The following CTDNEP1 variants were observed in gnomAD, a reference collection of about 807,000 sequenced individuals.
The protein encoded by CTDNEP1 is CTD nuclear envelope phosphatase 1.
CTDNEP1 carries 3 observed loss-of-function variants against 30.1 expected under a neutral mutation model. The observed-to-expected ratio is 0.10, with a 90% CI of 0.05 to 0.26. The LOEUF (loss-of-function observed/expected upper bound fraction) is 0.26. Among genes scored for constraint, CTDNEP1 ranks in the 10% least tolerant of loss-of-function variants. The pLI, the probability that CTDNEP1 is intolerant of heterozygous loss-of-function variation, is 1.00. For missense variants in CTDNEP1, 158 were observed against 310.4 expected (o/e 0.51, Z 3.69); for synonymous variants, 123 against 118.8 (o/e 1.04, Z -0.23).
intron 6 of CTDNEP1, chr17:7,244,900 G>A (rs779949897): frequency 7.8e-5 from 29 of 369,762 alleles, no homozygotes; most frequent in Non-Finnish European, 8.9e-5. Flanking sequence ...GCTCACACCT[G>A]TTATCCCAAC....
At chr17:7,248,259 C>CA (rs755835552) in intron 1 of CTDNEP1, among the ~76,000 whole-genome samples, 1,712 of 15,372 alleles carry the variant, frequency 0.11, 630 homozygotes, top group East Asian at 0.44. Flanking sequence ...GACTCCGTCG[C>CA]AAAAAAAAAA....
intron 1 of CTDNEP1, among the ~76,000 whole-genome samples, chr17:7,248,367 T>TC (rs919059544): frequency 6.7e-6 from 1 of 148,742 alleles, no homozygotes; most frequent in Non-Finnish European, 1.5e-5. Context: ...TTTTTCTTTT[T>TC]TTTTTTTTTG....
chr17:7,243,946 C>A lies in CTDNEP1; in HGVS notation c.*239G>T. 1 of 1,363,004 alleles carries A rather than the reference C, an allele frequency of 7.3e-7. No homozygotes were observed. Among genetic ancestry groups the A allele is most frequent in the Non-Finnish European group, 9.5e-7 (1 of 1,055,358 alleles). The allele number at this position is 1,363,004 out of a possible 1,614,324, so 84.4% of individuals were successfully genotyped here. The stretch of plus-strand genomic sequence containing the variant: ...GGCTCTCCTAGGCTTCCGCCTGTGT[C>A]CCAGTCTGGGGTTTCCATGGAGTGT... On this transcript the variant is annotated 3_prime_UTR_variant, in exon 8 of 8. Coordinates refer to ENST00000574322, the MANE Select transcript of CTDNEP1 (RefSeq NM_001143775.2).
intron 6 of CTDNEP1, among the ~76,000 whole-genome samples, chr17:7,245,334 G>A (rs1315505991): frequency 1.3e-5 from 2 of 151,300 alleles, no homozygotes; most frequent in African/African-American, 4.8e-5. Flanking sequence ...GCATGGTGGT[G>A]CACGCCTGTA....
At chr17:7,244,498 C>T in intron 7 of CTDNEP1, 53 bp downstream of exon 7, 1 of 1,488,072 alleles carries the variant, frequency 6.7e-7, no homozygotes, top group Non-Finnish European at 9.4e-7. Context: ...CTGAGGATCC[C>T]CCACCTCCTC....
At chr17:7,248,213 A>G (rs2071869118) in intron 1 of CTDNEP1, among the ~76,000 whole-genome samples, 1 of 128,596 alleles carries the variant, frequency 7.8e-6, no homozygotes, top group South Asian at 3.0e-4. Flanking sequence ...GTGAGCCGAG[A>G]TCGCACCACT....
At position 7,244,744 on chromosome 17, in the gene CTDNEP1, TA is replaced by T; in HGVS notation, c.590-110del. The T allele has an allele frequency of 3.6e-6, 3 of 831,198 alleles. No homozygotes were observed. In the South Asian group the frequency reaches 5.4e-5, roughly 15 times the overall value. The allele number at this position is 831,198 out of a possible 1,614,324, so 51.5% of individuals were successfully genotyped here. A position where few individuals can be genotyped will look rare whatever the true frequency, so the allele number is the denominator to read the frequency against. On this transcript the variant is annotated intron_variant, in intron 6 of 7. Transcript: ENST00000574322. ...ATTGTTAAAAATATATGCCTCCCAC[TA>T]CCGGAAGTCAACAACCTAAGTAAAA...
chr17:7,247,320 T>C lies in CTDNEP1; in HGVS notation c.126A>G (p.Arg42=). The change falls in exon 2 of 8, where the codon CGA becomes CGG. Residue 42 remains arginine (R), a synonymous_variant. Coordinates refer to ENST00000574322, the MANE Select transcript of CTDNEP1 (RefSeq NM_001143775.2). ...CAGGAGATAAGGGGAGGATATCATA[T>C]CGAACAGTTTGGTACTGAATTACCT... ...IRTVIQYQTV[R]YDILPLSPVS... 1 of 1,613,896 alleles carries C rather than the reference T, an allele frequency of 6.2e-7. No homozygotes were observed. Among genetic ancestry groups the C allele is most frequent in the Non-Finnish European group, 8.5e-7 (1 of 1,179,992 alleles).
rs1188894087 is a variant in CTDNEP1 at position 7,243,915 on chromosome 17, T to G, written c.*270A>C. 2 of 1,308,828 alleles carry G rather than the reference T, an allele frequency of 1.5e-6. No homozygotes were observed. The highest frequency in any genetic ancestry group is 2.0e-6 in the Non-Finnish European group (2 of 1,022,098). 81.1% of individuals were successfully genotyped at this position (1,308,828 alleles called of 1,614,324 possible). A position where few individuals can be genotyped will look rare whatever the true frequency, so the allele number is the denominator to read the frequency against. ...GCCAGTCCTGCCTCTTCACAAACAC[T>G]GATTCGGCTCTCCTAGGCTTCCGCC... On this transcript the variant is annotated 3_prime_UTR_variant, in exon 8 of 8. Transcript: ENST00000574322.
intron 1 of CTDNEP1, among the ~76,000 whole-genome samples, chr17:7,250,029 C>G (rs1035121427): frequency 6.6e-6 from 1 of 152,036 alleles, no homozygotes; most frequent in Non-Finnish European, 1.5e-5. Context: ...ACAGCCACAA[C>G]CATCCTGTAC....
rs1267582850 is a variant in CTDNEP1, at chr17:7,251,176, A to C, written c.102+19T>G. 2 of 1,573,830 alleles carry C rather than the reference A, an allele frequency of 1.3e-6. No individual in the cohort carries two copies. Among genetic ancestry groups the C allele is most frequent in the African/African-American group, 1.4e-5 (1 of 72,982 alleles). ...ACCGCCAGACGTCCCCAACACCGCC[A>C]GCGCCCACCCTGGCTCACCGTGCGG... On this transcript the variant is annotated intron_variant, in intron 1 of 7. Coordinates refer to ENST00000574322, the MANE Select transcript of CTDNEP1 (RefSeq NM_001143775.2).
At chr17:7,248,275 A>C (rs2071870622) in intron 1 of CTDNEP1, among the ~76,000 whole-genome samples, 1 of 149,144 alleles carries the variant, frequency 6.7e-6, no homozygotes, top group South Asian at 2.1e-4. Flanking sequence ...AAAAAAAAAA[A>C]AAAAAAAAAA....
At chr17:7,245,521 C>T (rs767739288) in intron 6 of CTDNEP1, among the ~76,000 whole-genome samples, 24 of 151,336 alleles carry the variant, frequency 1.6e-4, no homozygotes, top group Non-Finnish European at 3.2e-4. Flanking sequence ...TTTTTTGAGA[C>T]GGCGTCTCGC....
intron 7 of CTDNEP1, 35 bp downstream of exon 7, chr17:7,244,516 G>T: frequency 6.4e-7 from 1 of 1,556,566 alleles, no homozygotes; most frequent in Non-Finnish European, 8.9e-7. Flanking sequence ...CTCCTTTCTT[G>T]AGATATCCAA....
intron 1 of CTDNEP1, among the ~76,000 whole-genome samples, chr17:7,250,496 G>A (rs1210534672): frequency 2.0e-5 from 3 of 152,098 alleles, no homozygotes; most frequent in Admixed American, 2.0e-4. Flanking sequence ...ACTGCCCAGC[G>A]CTGTCCTCTG....
Position 7,251,374 on chromosome 17 carries a change from G to T in CTDNEP1, c.-78C>A. On this transcript the variant is annotated 5_prime_UTR_variant, in exon 1 of 8. Transcript: ENST00000574322. ...AGCCCCCCGGGGGCAGCCCCCCGCCGCCGGGAGGGGGAACGGGGGCCCCGA... is the reference window on the plus strand; with the variant it reads ...AGCCCCCCGGGGGCAGCCCCCCGCCTCCGGGAGGGGGAACGGGGGCCCCGA... 1 of 1,000,118 alleles carries T rather than the reference G, an allele frequency of 1.0e-6. No homozygotes were observed. Among genetic ancestry groups the T allele is most frequent in the East Asian group, 3.4e-5 (1 of 29,822 alleles). 62.0% of individuals were successfully genotyped at this position (1,000,118 alleles called of 1,614,324 possible). A position where few individuals can be genotyped will look rare whatever the true frequency, so the allele number is the denominator to read the frequency against.
chr17:7,248,982 G>A (rs562386039), intron 1 of CTDNEP1, among the ~76,000 whole-genome samples: 3 of 152,148 alleles, frequency 2.0e-5, no homozygotes, highest in Non-Finnish European at 4.4e-5. Flanking sequence ...CCTCTGAACA[G>A]TCTCCTTATC....
At position 7,246,641 on chromosome 17, in the gene CTDNEP1, G is replaced by T; in HGVS notation, c.360+150C>A. On this transcript the variant is annotated intron_variant, in intron 4 of 7. Transcript: ENST00000574322. The surrounding 1 kb of genome is among the most constrained non-coding windows in gnomAD (Gnocchi z 4.9). The stretch of plus-strand genomic sequence containing the variant: ...GCACAACAAATGAACCCCAAGTACT[G>T]AAAGCCACTCCCCTACCATTACACA... 1.4e-6 allele frequency: 1 copy of T among 707,084 alleles called. No homozygotes were observed. The highest frequency in any genetic ancestry group is 1.7e-5 in the South Asian group (1 of 57,666). The allele number at this position is 707,084 out of a possible 1,614,324, so 43.8% of individuals were successfully genotyped here. A position where few individuals can be genotyped will look rare whatever the true frequency, so the allele number is the denominator to read the frequency against.
intron 1 of CTDNEP1, among the ~76,000 whole-genome samples, chr17:7,248,137 C>T (rs1030744767): frequency 3.3e-5 from 5 of 150,562 alleles, no homozygotes; most frequent in African/African-American, 7.3e-5. Context: ...GGTGCGTGCC[C>T]ATAGCCCCAG....
Sources: gnomAD v4.1 joint callset for allele counts (sites outside exome capture counted in the v4.1 genomes callset) on GRCh38, gnomAD v4.1.1 for gene constraint, Gnocchi (gnomAD v3.1) non-coding constraint, MANE v1.5 for transcripts, NCBI Gene and HGNC (gene_info 2026-07-23, HGNC 2026-07-21) for gene names.